Variants in RBBP4 observed in about 807,000 individuals in gnomAD.
The protein encoded by RBBP4 is RB binding protein 4, chromatin remodeling factor, also known as histone-binding protein RBBP4.
In RBBP4, 3 loss-of-function variants were observed where a neutral mutation model predicts 57.2. The ratio of observed to expected loss-of-function variants is 0.05; its 90% CI spans 0.02 to 0.14. The LOEUF is 0.14. Ranked by LOEUF, RBBP4 falls within the 10% of genes least tolerant of loss-of-function variation. The pLI is 1.00. For synonymous variants in RBBP4, 151 were observed against 171.5 expected, an observed-to-expected ratio of 0.88 and a Z score of 0.93; for missense variants, 107 against 520.6, an observed-to-expected ratio of 0.21 and a Z score of 7.73.
At position 32,681,628 on chromosome 1, in the gene RBBP4, A is replaced by G. The variant is rs1649441441; in HGVS notation, c.*1923A>G. Reference sequence around the variant, plus strand: ...GTGCATTGAGATCAGTATCAACAGCAGATGAAATAGAATCCAGCAAAGAGT... The same window carrying G: ...GTGCATTGAGATCAGTATCAACAGCGGATGAAATAGAATCCAGCAAAGAGT... On this transcript the variant is annotated 3_prime_UTR_variant, in exon 12 of 12. Transcript: ENST00000373493. The G allele has an allele frequency of 1.6e-6, 1 of 642,142 alleles. No homozygotes were observed. 39.8% of individuals were successfully genotyped at this position (642,142 alleles called of 1,614,324 possible).
intron 3 of RBBP4, chr1:32,662,179 C>T (rs530262944): frequency 4.0e-4 from 126 of 317,216 alleles, no homozygotes; most frequent in Non-Finnish European, 5.6e-4. Flanking sequence ...CCACCGCGCC[C>T]GGGTTTTTTT....
Position 32,684,135 on chromosome 1 carries a change from A to G in RBBP4, c.*4430A>G. 6.2e-7 allele frequency: 1 copy of G among 1,607,584 alleles called. No homozygotes were observed. Among genetic ancestry groups the G allele is most frequent in the South Asian group, 1.1e-5 (1 of 90,244 alleles). ...TTTCCATGTGTTTTTGGATAAGCAC[A>G]ATTTGAAAATCATTTCCCAAATCCT... On this transcript the variant is annotated 3_prime_UTR_variant, in exon 12 of 12. Coordinates refer to ENST00000373493, the MANE Select transcript of RBBP4 (RefSeq NM_005610.3).
At chr1:32,666,480 C>G (rs966200754) in intron 3 of RBBP4, among the ~76,000 whole-genome samples, 1 of 152,090 alleles carries the variant, frequency 6.6e-6, no homozygotes, top group East Asian at 1.9e-4. Flanking sequence ...CTCAGCCTCC[C>G]CAGTAGCTGG....
chr1:32,674,082 C>T (rs548057999), intron 11 of RBBP4, among the ~76,000 whole-genome samples: 3 of 152,300 alleles, frequency 2.0e-5, no homozygotes, highest in Admixed American at 6.5e-5. Context: ...GCCTGGGCGA[C>T]AGAGCGAGAC....
In RBBP4 at chr1:32,657,386, A is replaced by G. The variant is rs199819181; in HGVS notation, c.165-41A>G. 4 of 1,584,188 alleles carry G rather than the reference A, an allele frequency of 2.5e-6. No individual in the cohort carries two copies. In the East Asian group the frequency reaches 9.0e-5, roughly 36 times the overall value. On this transcript the variant is annotated intron_variant, in intron 2 of 11. Coordinates refer to ENST00000373493, the MANE Select transcript of RBBP4 (RefSeq NM_005610.3). ...ATATTGTTGACTTCGCCGTCTCCTG[A>G]TGTTACTAATTTGAACAGTGACTAT...
chr1:32,684,394 G>A lies in RBBP4; in HGVS notation c.*4689G>A. 1.2e-6 allele frequency: 2 copies of A among 1,613,974 alleles called. No individual in the cohort carries two copies. The highest frequency in any genetic ancestry group is 1.7e-6 in the Non-Finnish European group (2 of 1,180,002). On this transcript the variant is annotated 3_prime_UTR_variant, in exon 12 of 12. Transcript: ENST00000373493. ...TCCTCCAGCTGTTCCTGCATGAGAT[G>A]GCCAAGAACATTTCTAATGAGCCAA...
chr1:32,680,188 A>C lies in RBBP4; in HGVS notation c.*483A>C, dbSNP rs1353844444. Reference sequence around the variant, plus strand: ...CTTGACACCTGACTTTCCAGGATGCACATTTTCATACGTAGACCAGTTTCC... The same window carrying C: ...CTTGACACCTGACTTTCCAGGATGCCCATTTTCATACGTAGACCAGTTTCC... On this transcript the variant is annotated 3_prime_UTR_variant, in exon 12 of 12. Coordinates refer to ENST00000373493, the MANE Select transcript of RBBP4 (RefSeq NM_005610.3). The C allele has an allele frequency of 1.8e-6, 2 of 1,096,648 alleles. No homozygotes were observed. The allele number at this position is 1,096,648 out of a possible 1,614,324, so 67.9% of individuals were successfully genotyped here. A position where few individuals can be genotyped will look rare whatever the true frequency, so the allele number is the denominator to read the frequency against.
In RBBP4 at chr1:32,651,265, G is replaced by A. The variant is rs771854989; in HGVS notation, c.-42G>A. ...CTCTTGCAGCCTCCCCGCCCCTCCCGCAACGCTCGACCCCAGGATTCCCCC... is the reference window on the plus strand; with the variant it reads ...CTCTTGCAGCCTCCCCGCCCCTCCCACAACGCTCGACCCCAGGATTCCCCC... On this transcript the variant is annotated 5_prime_UTR_variant, in exon 1 of 12. Transcript: ENST00000373493. 3.1e-5 allele frequency: 46 copies of A among 1,506,486 alleles called. No individual in the cohort carries two copies. Among genetic ancestry groups the A allele is most frequent in the Non-Finnish European group, 3.8e-5 (43 of 1,127,870 alleles). 93.3% of individuals were successfully genotyped at this position (1,506,486 alleles called of 1,614,324 possible). A position where few individuals can be genotyped will look rare whatever the true frequency, so the allele number is the denominator to read the frequency against.
chr1:32,679,370 A>G (rs1413359459), intron 11 of RBBP4, among the ~76,000 whole-genome samples: 3 of 152,194 alleles, frequency 2.0e-5, no homozygotes, highest in Non-Finnish European at 4.4e-5. Context: ...TAGTATCCAC[A>G]CTGCAGTTTT....
At chr1:32,656,904 G>A (rs1362220277) in intron 2 of RBBP4, among the ~76,000 whole-genome samples, 1 of 152,066 alleles carries the variant, frequency 6.6e-6, no homozygotes, top group Non-Finnish European at 1.5e-5. Flanking sequence ...CCTCCAACCT[G>A]TTGGTAGTGA....
Position 32,684,421 on chromosome 1 carries a change from CAAT to C in RBBP4, c.*4719_*4721del, listed in dbSNP as rs760301038. On this transcript the variant is annotated 3_prime_UTR_variant, in exon 12 of 12. Transcript: ENST00000373493. ...CCAAGAACATTTCTAATGAGCCAAA[CAAT>C]AAAAACTCACATTGTCCACTCTTAC... The C allele has an allele frequency of 2.0e-5, 32 of 1,612,894 alleles. No individual in the cohort carries two copies. Among genetic ancestry groups the C allele is most frequent in the Admixed American group, 3.3e-5 (2 of 59,794 alleles).
intron 3 of RBBP4, among the ~76,000 whole-genome samples, chr1:32,663,162 T>TAGTATTG (rs1648497113): frequency 6.6e-6 from 1 of 152,114 alleles, no homozygotes; most frequent in Non-Finnish European, 1.5e-5. Context: ...TTTGAGGACA[T>TAGTATTG]AGTATTGACT....
At chr1:32,673,435 A>G (rs1175647556) in intron 11 of RBBP4, 1 of 265,208 alleles carries the variant, frequency 3.8e-6, no homozygotes, top group Non-Finnish European at 7.0e-6. Context: ...CCCTCCTTAA[A>G]TTTTCTCTTT....
rs1648200850 is a variant in RBBP4 at position 32,657,643 on chromosome 1, A to G, written c.310+71A>G. 2.7e-6 allele frequency: 4 copies of G among 1,494,618 alleles called. No individual in the cohort carries two copies. The South Asian group carries it at 3.9e-5, about 14-fold the overall frequency. 92.6% of individuals were successfully genotyped at this position (1,494,618 alleles called of 1,614,324 possible). A position where few individuals can be genotyped will look rare whatever the true frequency, so the allele number is the denominator to read the frequency against. ...CTGTTATGTGCACTTTGATAAAGTA[A>G]ACTCTGACTTTAGAAACAATATTTA... On this transcript the variant is annotated intron_variant, in intron 3 of 11. Transcript: ENST00000373493.
intron 11 of RBBP4, among the ~76,000 whole-genome samples, chr1:32,675,960 G>T (rs891638767): frequency 6.6e-6 from 1 of 152,016 alleles, no homozygotes; most frequent in Admixed American, 6.6e-5. Context: ...GGTGGTACGT[G>T]CCTGTGATCC....
chr1:32,665,853 T>C (rs1648621903), intron 3 of RBBP4, among the ~76,000 whole-genome samples: 1 of 152,188 alleles, frequency 6.6e-6, no homozygotes, highest in African/African-American at 2.4e-5. Flanking sequence ...CTTAGGGGCC[T>C]GGGTCTGACT....
At chr1:32,666,798 T>C (rs1047775320) in intron 3 of RBBP4, among the ~76,000 whole-genome samples, 2 of 152,228 alleles carry the variant, frequency 1.3e-5, no homozygotes, top group Admixed American at 6.5e-5. Context: ...AAAGTAGATA[T>C]AGAGATGATC....
intron 2 of RBBP4, 105 bp downstream of exon 2, chr1:32,652,166 C>G (rs1647777455): frequency 7.5e-7 from 1 of 1,329,184 alleles, no homozygotes; most frequent in South Asian, 1.5e-5. Flanking sequence ...GGCATGTGAT[C>G]AAAACCTCTT....
Position 32,685,301 on chromosome 1 carries a change from C to T in RBBP4, c.*5596C>T, listed in dbSNP as rs1234394639. 6.6e-6 allele frequency: 1 copy of T among 152,104 alleles called. No homozygotes were observed. The highest frequency in any genetic ancestry group is 2.4e-5 in the African/African-American group (1 of 41,410). 9.4% of individuals were successfully genotyped at this position (152,104 alleles called of 1,614,324 possible). ...GATGCATTCTGTAAATTTTCCCTGCCTAGGATGTATACCTGAGGAATAAGG... is the reference window on the plus strand; with the variant it reads ...GATGCATTCTGTAAATTTTCCCTGCTTAGGATGTATACCTGAGGAATAAGG... On this transcript the variant is annotated 3_prime_UTR_variant, in exon 12 of 12. Coordinates refer to ENST00000373493, the MANE Select transcript of RBBP4 (RefSeq NM_005610.3).
Sources: gnomAD v4.1 joint callset for allele counts (sites outside exome capture counted in the v4.1 genomes callset) on GRCh38, gnomAD v4.1.1 for gene constraint, MANE v1.5 for transcripts, NCBI Gene and HGNC (gene_info 2026-07-23, HGNC 2026-07-21) for gene names.